Variants in CRYBG1 observed in about 807,000 individuals in gnomAD.
CRYBG1 encodes the protein crystallin beta-gamma domain containing 1.
CRYBG1 carries 139 observed loss-of-function variants against 189.2 expected under a neutral mutation model. That is an observed-to-expected ratio of 0.73 (90% CI 0.64 to 0.85). The LOEUF is 0.85. Ranked by LOEUF, CRYBG1 falls within the 40% of genes least tolerant of loss-of-function variation. CRYBG1 has a pLI of 0.00. For missense variants in CRYBG1, 2,611 were observed against 2,675.8 expected, an observed-to-expected ratio of 0.98 and a Z score of 0.53; for synonymous variants, 1,023 against 1,017.1, an observed-to-expected ratio of 1.01 and a Z score of -0.11.
chr6:106,394,319 A>G (rs1770563964), intron 1 of CRYBG1, among the ~76,000 whole-genome samples: 1 of 152,240 alleles, frequency 6.6e-6, no homozygotes, highest in Non-Finnish European at 1.5e-5. Flanking sequence ...CATATACAAC[A>G]GTGTCTTACA....
intron 13 of CRYBG1, among the ~76,000 whole-genome samples, chr6:106,549,765 C>G (rs1774355443): frequency 2.0e-5 from 3 of 152,108 alleles, no homozygotes; most frequent in African/African-American, 7.2e-5. Flanking sequence ...TTAGCTACTT[C>G]TCACTGGAGA....
intron 1 of CRYBG1, among the ~76,000 whole-genome samples, chr6:106,440,420 A>G (rs1771546577): frequency 6.7e-6 from 1 of 150,290 alleles, no homozygotes; most frequent in African/African-American, 2.5e-5. Context: ...GCACACCACC[A>G]TGCCCAGCTA....
chr6:106,504,047 A>AAC (rs1773072868), intron 2 of CRYBG1, among the ~76,000 whole-genome samples: 1 of 141,584 alleles, frequency 7.1e-6, no homozygotes, highest in African/African-American at 2.5e-5. Flanking sequence ...AAAAAAAAAA[A>AAC]ACCACAACCA....
At chr6:106,461,788 A>G (rs931720069) in intron 2 of CRYBG1, among the ~76,000 whole-genome samples, 2 of 152,132 alleles carry the variant, frequency 1.3e-5, no homozygotes, top group African/African-American at 4.8e-5. Flanking sequence ...CAGAGCCTCC[A>G]TGGGGGGTTC....
At chr6:106,535,088 T>C (rs919971436) in intron 8 of CRYBG1, among the ~76,000 whole-genome samples, 8 of 152,206 alleles carry the variant, frequency 5.3e-5, no homozygotes, top group African/African-American at 1.9e-4. Flanking sequence ...TACAGAATAA[T>C]ATATGTATAT....
chr6:106,495,819 T>TTTA (rs1554186459), intron 2 of CRYBG1, among the ~76,000 whole-genome samples: 1 of 128,470 alleles, frequency 7.8e-6, no homozygotes. Context: ...TTTCCTTGAG[T>TTTA]AAAAAAAAAA....
chr6:106,375,371 G>C (rs1770131800), intron 1 of CRYBG1, among the ~76,000 whole-genome samples: 1 of 151,226 alleles, frequency 6.6e-6, no homozygotes, highest in African/African-American at 2.4e-5. Context: ...GGGAGACAGA[G>C]TGAGGCCCTG....
Position 106,568,452 on chromosome 6 carries a change from A to T in CRYBG1, c.6302-20A>T, listed in dbSNP as rs756494064. The T allele has an allele frequency of 1.9e-6, 3 of 1,585,788 alleles. No homozygotes were observed. The highest frequency in any genetic ancestry group is 2.7e-5 in the African/African-American group (2 of 74,318). On this transcript the variant is annotated intron_variant, in intron 21 of 21. Coordinates refer to ENST00000633556, the MANE Select transcript of CRYBG1 (RefSeq NM_001371242.2). Reference sequence around the variant, plus strand: ...TTCACCATGGGTACATTCATCTTTTATTATTTTCCTTTCTTTTAGGGGGCA... The same window carrying T: ...TTCACCATGGGTACATTCATCTTTTTTTATTTTCCTTTCTTTTAGGGGGCA...
intron 2 of CRYBG1, among the ~76,000 whole-genome samples, chr6:106,458,661 C>T (rs1771940178): frequency 1.3e-5 from 2 of 152,216 alleles, no homozygotes; most frequent in South Asian, 4.1e-4. Context: ...CTAGTATGAA[C>T]TTTACTTTTG....
chr6:106,467,302 T>A (rs78489948), intron 2 of CRYBG1, among the ~76,000 whole-genome samples: 10,350 of 151,798 alleles, frequency 0.068, 787 homozygotes, highest in African/African-American at 0.19. Context: ...AGAGATCTTG[T>A]CTCTCCAAAA....
intron 1 of CRYBG1, among the ~76,000 whole-genome samples, chr6:106,370,563 C>T (rs947699595): frequency 2.6e-5 from 4 of 152,170 alleles, no homozygotes; most frequent in African/African-American, 9.7e-5. Flanking sequence ...CTTACATTGA[C>T]CTTACACTTC....
At chr6:106,540,506 A>G (rs1042747712) in intron 9 of CRYBG1, among the ~76,000 whole-genome samples, 2 of 152,220 alleles carry the variant, frequency 1.3e-5, no homozygotes, top group African/African-American at 4.8e-5. Context: ...TCACTTTCAA[A>G]GAACAAAGTT....
chr6:106,459,195 C>A (rs1248878186), intron 2 of CRYBG1, among the ~76,000 whole-genome samples: 1 of 152,166 alleles, frequency 6.6e-6, no homozygotes, highest in Non-Finnish European at 1.5e-5. Flanking sequence ...CTTTCCACCA[C>A]AAGTAATGTG....
At chr6:106,458,743 A>G (rs1771941904) in intron 2 of CRYBG1, among the ~76,000 whole-genome samples, 1 of 152,178 alleles carries the variant, frequency 6.6e-6, no homozygotes, top group African/African-American at 2.4e-5. Flanking sequence ...TGCAGCAGAA[A>G]GAGAATAAGG....
At chr6:106,416,855 A>G (rs1236550904) in intron 1 of CRYBG1, among the ~76,000 whole-genome samples, 1 of 152,154 alleles carries the variant, frequency 6.6e-6, no homozygotes, top group Non-Finnish European at 1.5e-5. Context: ...TGAAAAACAT[A>G]TGGGAAGGGT....
At chr6:106,456,382 G>A (rs1198426271) in intron 2 of CRYBG1, among the ~76,000 whole-genome samples, 2 of 149,658 alleles carry the variant, frequency 1.3e-5, no homozygotes, top group Non-Finnish European at 3.0e-5. Context: ...GGCTGGTCTT[G>A]AACTCCTAAC....
At chr6:106,373,318 C>G (rs17066908) in intron 1 of CRYBG1, among the ~76,000 whole-genome samples, 4,885 of 152,186 alleles carry the variant, frequency 0.032, 178 homozygotes, top group East Asian at 0.16. Flanking sequence ...CCAATCTAGC[C>G]ACAAAGTCTT....
At chr6:106,436,388 T>C (rs6929314) in intron 1 of CRYBG1, among the ~76,000 whole-genome samples, 90,269 of 150,586 alleles carry the variant, frequency 0.6, 28,016 homozygotes, top group East Asian at 0.77. Flanking sequence ...AGGCTCCGCC[T>C]CCCGGGTTCA....
chr6:106,545,493 G>A (rs1344210543), intron 13 of CRYBG1, among the ~76,000 whole-genome samples: 3 of 152,220 alleles, frequency 2.0e-5, no homozygotes, highest in Non-Finnish European at 4.4e-5. Flanking sequence ...GATTAAAATG[G>A]AACTTACTGG....
Sources: gnomAD v4.1 joint callset for allele counts (sites outside exome capture counted in the v4.1 genomes callset) on GRCh38, gnomAD v4.1.1 for gene constraint, MANE v1.5 for transcripts, NCBI Gene and HGNC (gene_info 2026-07-23, HGNC 2026-07-21) for gene names.